The following EGF variants were observed in gnomAD, a reference collection of about 807,000 sequenced individuals.
The protein encoded by EGF is epidermal growth factor, also known as pro-epidermal growth factor.
In EGF, 95 loss-of-function variants were observed where a neutral mutation model predicts 143.8. That is an observed-to-expected ratio of 0.66 (90% confidence interval 0.56 to 0.78). The LOEUF (loss-of-function observed/expected upper bound fraction) is 0.78, where lower values mean the gene tolerates loss of function less well. EGF is among the 30% of genes least tolerant of loss of function. The pLI is 0.00. For missense variants in EGF, 1,320 were observed against 1,470.9 expected (o/e 0.90, Z 1.68); for synonymous variants, 510 against 510.5 (o/e 1.00, Z 0.01).
In EGF at chr4:109,999,863, T is replaced by G. The variant is rs780228377; in HGVS notation, c.3173+17T>G. 2.5e-6 allele frequency: 4 copies of G among 1,612,720 alleles called. No homozygotes were observed. In the East Asian group the frequency reaches 8.9e-5, roughly 36 times the overall value. ...CTACTACAGGTGACCCTGTCTTTCCTTTGGTACTGGAAACCTCTTTCTAAG... is the reference window on the plus strand; with the variant it reads ...CTACTACAGGTGACCCTGTCTTTCCGTTGGTACTGGAAACCTCTTTCTAAG... On this transcript the variant is annotated intron_variant, in intron 21 of 23. Transcript: ENST00000265171.
At chr4:109,997,488 G>A (rs540879135) in intron 20 of EGF, among the ~76,000 whole-genome samples, 1 of 151,570 alleles carries the variant, frequency 6.6e-6, no homozygotes, top group African/African-American at 2.4e-5. Flanking sequence ...TTGTGATGGA[G>A]TCTCGCTCTG....
At chr4:109,988,443 C>G (rs1578355042) in intron 17 of EGF, 141 bp from the exon 18 acceptor site, 3 of 1,210,270 alleles carry the variant, frequency 2.5e-6, no homozygotes, top group East Asian at 2.4e-5. Flanking sequence ...GTCCAAGATG[C>G]AGGGCGTGCC....
chr4:109,975,960 G>T, intron 12 of EGF, 52 bp from the exon 13 acceptor site: 1 of 1,550,322 alleles, frequency 6.5e-7, no homozygotes, highest in South Asian at 1.1e-5. Flanking sequence ...TGAAAGAACA[G>T]AATAATTTAT....
chr4:109,961,202 A>C (rs527430785), intron 7 of EGF, among the ~76,000 whole-genome samples: 2 of 152,228 alleles, frequency 1.3e-5, no homozygotes, highest in South Asian at 4.1e-4. Context: ...AAAAAAAAAA[A>C]AAACTTAGCC....
intron 1 of EGF, among the ~76,000 whole-genome samples, chr4:109,920,588 C>T (rs1737601206): frequency 6.6e-6 from 1 of 151,474 alleles, no homozygotes; most frequent in African/African-American, 2.4e-5. Context: ...TTTTAAATTC[C>T]AGGAAGCAGT....
intron 1 of EGF, among the ~76,000 whole-genome samples, chr4:109,932,461 C>A (rs1739947778): frequency 6.8e-6 from 1 of 147,544 alleles, no homozygotes; most frequent in Non-Finnish European, 1.5e-5. Context: ...TCACTGCAAG[C>A]TCCACCACCC....
At chr4:109,969,583 C>A (rs904158300) in intron 11 of EGF, among the ~76,000 whole-genome samples, 1 of 151,792 alleles carries the variant, frequency 6.6e-6, no homozygotes, top group Non-Finnish European at 1.5e-5. Context: ...GCACATGTAT[C>A]CCAGAACTTA....
At chr4:109,919,266 A>T (rs1446976732) in intron 1 of EGF, among the ~76,000 whole-genome samples, 5 of 144,370 alleles carry the variant, frequency 3.5e-5, no homozygotes, top group Non-Finnish European at 6.1e-5. Flanking sequence ...AGTCCCAGGT[A>T]TTAGGAATGC....
intron 14 of EGF, chr4:109,980,602 C>A: frequency 1.7e-6 from 1 of 574,110 alleles, no homozygotes; most frequent in Non-Finnish European, 3.1e-6. Context: ...AAAGTGCTGG[C>A]TATACCCAGT....
intron 23 of EGF, among the ~76,000 whole-genome samples, chr4:110,010,772 G>A (rs1490622542): frequency 3.3e-5 from 5 of 152,080 alleles, no homozygotes; most frequent in Non-Finnish European, 5.9e-5. Context: ...TTAAAAATTG[G>A]GCTCAGGGTG....
chr4:109,922,888 C>T (rs1339194031), intron 1 of EGF, among the ~76,000 whole-genome samples: 2 of 151,464 alleles, frequency 1.3e-5, no homozygotes, highest in African/African-American at 4.9e-5. Context: ...CAAATATTGG[C>T]TATTACTCTC....
intron 20 of EGF, 56 bp from the exon 21 acceptor site, chr4:109,999,623 C>A (rs1404669626): frequency 4.3e-6 from 7 of 1,609,506 alleles, no homozygotes; most frequent in Non-Finnish European, 6.0e-6. Context: ...AGTGTCAAAA[C>A]TATCAGCGTT....
rs532270853 is a variant in EGF, at chr4:109,973,127, C to T, written c.1725-1576C>T. On this transcript the variant is annotated intron_variant, in intron 11 of 23. Coordinates refer to ENST00000265171, the MANE Select transcript of EGF (RefSeq NM_001963.6). ...TCCTGTCTGCCTGTGGTCCCACCTG[C>T]TGCAAGAAGCTGCTGATCGTCCCTT... Among the ~76,000 whole-genome samples, 7 of 152,282 alleles carry T rather than the reference C, an allele frequency of 4.6e-5. No individual in the cohort carries two copies. The South Asian group carries it at 1.0e-3, about 23-fold the overall frequency.
At chr4:109,980,210 T>C in intron 14 of EGF, 71 bp downstream of exon 14, 4 of 1,478,544 alleles carry the variant, frequency 2.7e-6, no homozygotes, top group South Asian at 1.4e-5. Flanking sequence ...TTTGATGTCA[T>C]GCAGTTGGCG....
At chr4:110,003,882 G>A (rs1173448872) in intron 21 of EGF, among the ~76,000 whole-genome samples, 1 of 152,140 alleles carries the variant, frequency 6.6e-6, no homozygotes, top group Non-Finnish European at 1.5e-5. Context: ...CTTTATGAGT[G>A]AGAGATTGCA....
At position 109,986,598 on chromosome 4, in the gene EGF, TA is replaced by T. The variant is rs534835738; in HGVS notation, c.2492-1140del. On this transcript the variant is annotated intron_variant, in intron 16 of 23. Transcript: ENST00000265171. ...TTATCGGCAAGTTTGGAGGGCTTTTTAAAAAATCTCTTCTGTACTAAGATGA... is the reference window on the plus strand; with the variant it reads ...TTATCGGCAAGTTTGGAGGGCTTTTTAAAAATCTCTTCTGTACTAAGATGA... 5.0e-3 allele frequency among the ~76,000 whole-genome samples: 763 copies of T among 152,312 alleles called. 7 individuals carry two copies. The highest frequency in any genetic ancestry group is 0.018 in the African/African-American group (729 of 41,556).
intron 1 of EGF, among the ~76,000 whole-genome samples, chr4:109,923,683 C>CA (rs1240159019): frequency 6.6e-6 from 1 of 151,570 alleles, no homozygotes; most frequent in African/African-American, 2.4e-5. Context: ...GGCAATGGCA[C>CA]AATCAAAGCA....
chr4:109,971,311 A>C (rs1032467059), intron 11 of EGF, among the ~76,000 whole-genome samples: 1 of 152,232 alleles, frequency 6.6e-6, no homozygotes, highest in Admixed American at 6.5e-5. Flanking sequence ...AATTATAAAA[A>C]TCATAATAAT....
chr4:109,914,596 A>G (rs879421873), intron 1 of EGF, among the ~76,000 whole-genome samples: 2 of 152,192 alleles, frequency 1.3e-5, no homozygotes, highest in African/African-American at 2.4e-5. Context: ...GGTATTTGAA[A>G]TAAAGACTTA....
Sources: allele counts gnomAD v4.1 joint callset (sites outside exome capture counted in the v4.1 genomes callset), GRCh38; gene constraint gnomAD v4.1.1; transcripts MANE v1.5; gene names NCBI Gene and HGNC (gene_info 2026-07-23, HGNC 2026-07-21).